The following HACD4 variants were observed in gnomAD, a reference collection of about 807,000 sequenced individuals.
HACD4 encodes the protein very-long-chain (3R)-3-hydroxyacyl-CoA dehydratase 4.
Under a neutral mutation model 33.3 loss-of-function variants are expected in HACD4, and 35 were observed. The observed-to-expected ratio is 1.05, with a 90% CI of 0.80 to 1.39. HACD4 has a LOEUF of 1.39. Ranked by LOEUF, HACD4 falls within the 40% of genes most tolerant of loss-of-function variation. HACD4 has a pLI of 0.00. For missense variants in HACD4, 323 were observed against 276.5 expected, an observed-to-expected ratio of 1.17 and a Z score of -1.19; for synonymous variants, 118 against 98.0, an observed-to-expected ratio of 1.20 and a Z score of -1.21.
chr9:21,028,960 C>T (rs968453917), intron 2 of HACD4, among the ~76,000 whole-genome samples: 7 of 152,146 alleles, frequency 4.6e-5, no homozygotes, highest in African/African-American at 1.7e-4. Context: ...GATTTCTCTG[C>T]ATAAAATGTT....
chr9:21,015,821 C>A, intron 4 of HACD4, 77 bp downstream of exon 4: 1 of 794,612 alleles, frequency 1.3e-6, no homozygotes, highest in Non-Finnish European at 2.2e-6. Context: ...ACCAAGTAAC[C>A]TCTGGTTACT....
intron 5 of HACD4, among the ~76,000 whole-genome samples, chr9:21,010,390 T>C (rs773023154): frequency 4.7e-5 from 7 of 149,412 alleles, no homozygotes; most frequent in Non-Finnish European, 7.4e-5. Flanking sequence ...TCTGTGTTCA[T>C]TGAGCATGTA....
At position 21,002,821 on chromosome 9, in the gene HACD4, C is replaced by A. The variant is rs1842187721; in HGVS notation, c.*4216G>T. 1 of 152,050 alleles carries A rather than the reference C, an allele frequency of 6.6e-6. No individual in the cohort carries two copies. Among genetic ancestry groups the A allele is most frequent in the African/African-American group, 2.4e-5 (1 of 41,432 alleles). 9.4% of individuals were successfully genotyped at this position (152,050 alleles called of 1,614,324 possible). ...TGTTACTTAGATTTGAGAAAGTAAG[C>A]CTTTGTCTACACTGTACAAAATGAA... On this transcript the variant is annotated 3_prime_UTR_variant, in exon 7 of 7. Coordinates refer to ENST00000495827, the MANE Select transcript of HACD4 (RefSeq NM_001010915.5).
Position 20,999,759 on chromosome 9 carries a change from G to A in HACD4, c.*7278C>T, listed in dbSNP as rs913102653. 6.6e-6 allele frequency: 1 copy of A among 152,092 alleles called. No individual in the cohort carries two copies. Among genetic ancestry groups the A allele is most frequent in the African/African-American group, 2.4e-5 (1 of 41,410 alleles). The allele number at this position is 152,092 out of a possible 1,614,324, so 9.4% of individuals were successfully genotyped here. The stretch of plus-strand genomic sequence containing the variant: ...AAGATAGAGTTGCACACACAATTAT[G>A]GGTGTCTATTATGTGCCACTATACA... On this transcript the variant is annotated 3_prime_UTR_variant, in exon 7 of 7. Transcript: ENST00000495827.
chr9:21,014,217 T>C (rs372076560), intron 4 of HACD4, among the ~76,000 whole-genome samples: 2 of 152,320 alleles, frequency 1.3e-5, no homozygotes, highest in East Asian at 3.9e-4. Flanking sequence ...GGAATTTCAC[T>C]CCTAGGTATA....
At chr9:21,023,538 T>A (rs963854352) in intron 3 of HACD4, among the ~76,000 whole-genome samples, 1 of 151,814 alleles carries the variant, frequency 6.6e-6, no homozygotes, top group Non-Finnish European at 1.5e-5. Context: ...GGAGGACCAG[T>A]TCCCCCCAAG....
rs1842155077 is a variant in HACD4, at chr9:21,000,725, T to C, written c.*6312A>G. 6.6e-6 allele frequency: 1 copy of C among 152,170 alleles called. No individual in the cohort carries two copies. The highest frequency in any genetic ancestry group is 2.1e-4 in the South Asian group (1 of 4,836). 9.4% of individuals were successfully genotyped at this position (152,170 alleles called of 1,614,324 possible). A position where few individuals can be genotyped will look rare whatever the true frequency, so the allele number is the denominator to read the frequency against. On this transcript the variant is annotated 3_prime_UTR_variant, in exon 7 of 7. Coordinates refer to ENST00000495827, the MANE Select transcript of HACD4 (RefSeq NM_001010915.5). ...CAGTAATAAACAAGTGGAAGATAGA[T>C]ACTGGGTAAAGGAAGATAATTTTTA...
At chr9:21,026,862 T>C in intron 2 of HACD4, 139 bp from the exon 3 acceptor site, 1 of 650,844 alleles carries the variant, frequency 1.5e-6, no homozygotes, top group Non-Finnish European at 2.7e-6. Context: ...TTAAGTAGGC[T>C]ACTAAATTAT....
intron 2 of HACD4, among the ~76,000 whole-genome samples, chr9:21,027,804 G>A (rs1818101113): frequency 1.3e-5 from 2 of 152,182 alleles, no homozygotes; most frequent in Admixed American, 1.3e-4. Context: ...TTAATAATAA[G>A]CTTCTACAAT....
intron 5 of HACD4, among the ~76,000 whole-genome samples, chr9:21,010,412 A>T (rs1198093492): frequency 1.3e-5 from 2 of 151,256 alleles, no homozygotes; most frequent in African/African-American, 4.9e-5. Flanking sequence ...ACTGGTGCAT[A>T]AAAGAGAGGA....
chr9:21,010,441 C>T (rs539987888), intron 5 of HACD4, among the ~76,000 whole-genome samples: 1 of 119,076 alleles, frequency 8.4e-6, no homozygotes, highest in Non-Finnish European at 1.8e-5. Context: ...AAGAAACAGA[C>T]TCAGACATCC....
At chr9:21,028,014 A>G (rs1322487117) in intron 2 of HACD4, among the ~76,000 whole-genome samples, 4 of 151,998 alleles carry the variant, frequency 2.6e-5, no homozygotes, top group Non-Finnish European at 5.9e-5. Flanking sequence ...GGGCACCTGT[A>G]ATCCCAGCTA....
chr9:21,030,538 A>C (rs937820198), intron 1 of HACD4, among the ~76,000 whole-genome samples: 1 of 152,248 alleles, frequency 6.6e-6, no homozygotes, highest in Non-Finnish European at 1.5e-5. Flanking sequence ...CCAGTAGCTC[A>C]GCTTGCTAAG....
At chr9:21,008,865 A>G (rs1440307470) in intron 5 of HACD4, among the ~76,000 whole-genome samples, 1 of 152,130 alleles carries the variant, frequency 6.6e-6, no homozygotes, top group Non-Finnish European at 1.5e-5. Context: ...ATGGTGCACT[A>G]TTTTTGCAAT....
Position 21,013,557 on chromosome 9 carries a change from A to C in HACD4, c.384-1862T>G, listed in dbSNP as rs554799617. Among the ~76,000 whole-genome samples, 20 of 152,320 alleles carry C rather than the reference A, an allele frequency of 1.3e-4. 1 individual carries two copies. In the South Asian group the frequency reaches 4.1e-3, roughly 32 times the overall value. On this transcript the variant is annotated intron_variant, in intron 4 of 6. Transcript: ENST00000495827. ...TCTGCAATGAAGTTATCTGGGTTCTAATAGGGATTGCACTGAATCTACAGA... is the reference window on the plus strand; with the variant it reads ...TCTGCAATGAAGTTATCTGGGTTCTCATAGGGATTGCACTGAATCTACAGA...
chr9:21,031,325 C>A (rs1437002633), intron 1 of HACD4: 1 of 409,948 alleles, frequency 2.4e-6, no homozygotes, highest in African/African-American at 2.2e-5. Context: ...CCTGTCCTTC[C>A]CATTCAACTG....
rs1842317647 is a variant in HACD4 at position 21,008,151 on chromosome 9, TAAAA to T, written c.491-9_491-6del. The T allele has an allele frequency of 6.2e-7, 1 of 1,603,024 alleles. No individual in the cohort carries two copies. On this transcript the variant is annotated splice_region_variant and splice_polypyrimidine_tract_variant and intron_variant, in intron 5 of 6. Coordinates refer to ENST00000495827, the MANE Select transcript of HACD4 (RefSeq NM_001010915.5). ...GCGATTGATAGATGGCAAATGCTGT[TAAAA>T]AAGAAAGGCATCATAAAGGTATTCC...
chr9:21,031,025 T>C (rs113175826), intron 1 of HACD4, among the ~76,000 whole-genome samples: 1 of 152,188 alleles, frequency 6.6e-6, no homozygotes, highest in Non-Finnish European at 1.5e-5. Flanking sequence ...TCCTCCCCTA[T>C]AAAGGCAGGA....
At position 21,006,769 on chromosome 9, in the gene HACD4, T is replaced by A. The variant is rs1246838592; in HGVS notation, c.*268A>T. ...AAACTTACAGGAAAATAATCAGACT[T>A]CATACAATGTAAGTATAACTTGTAT... On this transcript the variant is annotated 3_prime_UTR_variant, in exon 7 of 7. Transcript: ENST00000495827. The surrounding 1 kb of genome is among the most constrained non-coding windows in gnomAD (Gnocchi z 4.6). 3 of 388,280 alleles carry A rather than the reference T, an allele frequency of 7.7e-6. No homozygotes were observed. Among genetic ancestry groups the A allele is most frequent in the Non-Finnish European group, 1.4e-5 (3 of 213,078 alleles). The allele number at this position is 388,280 out of a possible 1,614,324, so 24.1% of individuals were successfully genotyped here.
Sources: allele counts gnomAD v4.1 joint callset (sites outside exome capture counted in the v4.1 genomes callset), GRCh38; gene constraint gnomAD v4.1.1; non-coding constraint Gnocchi (gnomAD v3.1); transcripts MANE v1.5; gene names NCBI Gene and HGNC (gene_info 2026-07-23, HGNC 2026-07-21).